The following EXOC6B variants were observed in gnomAD, a reference collection of about 807,000 sequenced individuals.
The protein encoded by EXOC6B is exocyst complex component 6B.
Under a neutral mutation model 113.5 loss-of-function variants are expected in EXOC6B, and 54 were observed. The ratio of observed to expected loss-of-function variants is 0.48; its 90% CI spans 0.38 to 0.60. The LOEUF (loss-of-function observed/expected upper bound fraction) is 0.60. EXOC6B is among the 20% of genes least tolerant of loss of function. The pLI is 0.00. For missense variants in EXOC6B, 797 were observed against 977.5 expected (o/e 0.82, Z 2.46); for synonymous variants, 357 against 339.0 (o/e 1.05, Z -0.58).
In EXOC6B at chr2:72,534,514, G is replaced by A. The variant is rs574763986; in HGVS notation, c.916-19388C>T. Among the ~76,000 whole-genome samples, 82 of 152,192 alleles carry A rather than the reference G, an allele frequency of 5.4e-4. 1 individual carries two copies. Among genetic ancestry groups the A allele is most frequent in the South Asian group, 1.5e-3 (7 of 4,822 alleles). The stretch of plus-strand genomic sequence containing the variant: ...CTTCATAAAAATAAATTTTACCTAA[G>A]AGGCTTGATTGAGGTAAGGGTTGGA... On this transcript the variant is annotated intron_variant, in intron 8 of 21. Coordinates refer to ENST00000272427, the MANE Select transcript of EXOC6B (RefSeq NM_015189.3).
At chr2:72,306,752 C>T (rs1241408063) in intron 20 of EXOC6B, among the ~76,000 whole-genome samples, 1 of 152,166 alleles carries the variant, frequency 6.6e-6, no homozygotes, top group East Asian at 1.9e-4. Flanking sequence ...ATATCTAAGT[C>T]TACACTTCCA....
intron 21 of EXOC6B, among the ~76,000 whole-genome samples, chr2:72,181,140 C>T (rs1678057481): frequency 6.9e-6 from 1 of 144,268 alleles, no homozygotes; most frequent in Non-Finnish European, 1.5e-5. Context: ...ACCCAGGAGG[C>T]GGAGCTTGCA....
intron 8 of EXOC6B, among the ~76,000 whole-genome samples, chr2:72,555,155 T>C (rs982831334): frequency 4.6e-5 from 7 of 152,206 alleles, no homozygotes; most frequent in Non-Finnish European, 7.3e-5. Flanking sequence ...CAGTCTATCA[T>C]TGATGGACAT....
intron 6 of EXOC6B, among the ~76,000 whole-genome samples, chr2:72,660,684 T>C (rs12995926): frequency 6.6e-6 from 1 of 152,222 alleles, no homozygotes; most frequent in Non-Finnish European, 1.5e-5. Context: ...ATATTGAAAC[T>C]TCTCTAAATA....
intron 19 of EXOC6B, among the ~76,000 whole-genome samples, chr2:72,357,442 A>C (rs935282267): frequency 6.6e-6 from 1 of 152,200 alleles, no homozygotes; most frequent in Non-Finnish European, 1.5e-5. Context: ...CTGTAATCCC[A>C]GAACTTTGAG....
At chr2:72,529,144 T>G (rs1164250693) in intron 8 of EXOC6B, among the ~76,000 whole-genome samples, 1 of 151,936 alleles carries the variant, frequency 6.6e-6, no homozygotes, top group Non-Finnish European at 1.5e-5. Context: ...GGGAAACCAT[T>G]TGGACTTTCA....
At chr2:72,482,480 G>T (rs542418544) in intron 16 of EXOC6B, among the ~76,000 whole-genome samples, 1 of 151,646 alleles carries the variant, frequency 6.6e-6, no homozygotes, top group South Asian at 2.1e-4. Flanking sequence ...TTGGTCTAGT[G>T]AGACAGTGAG....
chr2:72,534,607 A>T (rs976016026), intron 8 of EXOC6B, among the ~76,000 whole-genome samples: 5 of 152,178 alleles, frequency 3.3e-5, no homozygotes, highest in African/African-American at 4.8e-5. Flanking sequence ...ATTATAAAGA[A>T]TTAATATACA....
At chr2:72,232,737 A>G (rs771315631) in intron 20 of EXOC6B, among the ~76,000 whole-genome samples, 15 of 152,212 alleles carry the variant, frequency 9.9e-5, no homozygotes, top group Non-Finnish European at 1.8e-4. Flanking sequence ...GTAAGATACC[A>G]TATTTCAAAA....
At chr2:72,481,843 T>C (rs1280471174) in intron 16 of EXOC6B, among the ~76,000 whole-genome samples, 2 of 152,214 alleles carry the variant, frequency 1.3e-5, no homozygotes, top group Non-Finnish European at 2.9e-5. Flanking sequence ...AGTTGTCTTC[T>C]ATAAATTACT....
At chr2:72,671,815 GAA>G (rs1458742123) in intron 6 of EXOC6B, among the ~76,000 whole-genome samples, 4 of 124,310 alleles carry the variant, frequency 3.2e-5, no homozygotes, top group African/African-American at 1.1e-4. Flanking sequence ...AAGAAAGAAA[GAA>G]AGAAGAGAAA....
chr2:72,401,494 CATAT>C (rs1170388566), intron 18 of EXOC6B, among the ~76,000 whole-genome samples: 600 of 59,616 alleles, frequency 0.01, 104 homozygotes, highest in African/African-American at 0.051. Context: ...ATTTTATATA[CATAT>C]ATATATATAT....
intron 16 of EXOC6B, among the ~76,000 whole-genome samples, chr2:72,481,644 T>G (rs927223380): frequency 1.6e-4 from 24 of 152,240 alleles, no homozygotes; most frequent in African/African-American, 5.5e-4. Flanking sequence ...TGACTTACTT[T>G]ATTATTATTA....
chr2:72,318,181 T>A (rs1687638585), intron 20 of EXOC6B, among the ~76,000 whole-genome samples: 1 of 152,120 alleles, frequency 6.6e-6, no homozygotes, highest in African/African-American at 2.4e-5. Context: ...GATTATCGAA[T>A]GTCTTGGTCA....
chr2:72,457,490 A>C (rs1454553001), intron 18 of EXOC6B, among the ~76,000 whole-genome samples: 1 of 152,104 alleles, frequency 6.6e-6, no homozygotes, highest in African/African-American at 2.4e-5. Flanking sequence ...ATCTTGCCCT[A>C]TGTCATACAA....
intron 18 of EXOC6B, among the ~76,000 whole-genome samples, chr2:72,442,762 G>C (rs1297785018): frequency 6.6e-6 from 1 of 152,002 alleles, no homozygotes; most frequent in Non-Finnish European, 1.5e-5. Flanking sequence ...TTTTTAAAAA[G>C]TCCATGTTCA....
intron 20 of EXOC6B, among the ~76,000 whole-genome samples, chr2:72,303,930 G>A (rs983208029): frequency 6.6e-6 from 1 of 152,148 alleles, no homozygotes; most frequent in East Asian, 1.9e-4. Flanking sequence ...TGAGGACCAG[G>A]ACCTATGTGG....
At chr2:72,676,738 G>A (rs532877155) in intron 6 of EXOC6B, among the ~76,000 whole-genome samples, 184 of 152,160 alleles carry the variant, frequency 1.2e-3, no homozygotes, top group African/African-American at 1.4e-3. Flanking sequence ...GGGAACCACC[G>A]AACACCATTT....
intron 6 of EXOC6B, among the ~76,000 whole-genome samples, chr2:72,607,408 C>T (rs985557897): frequency 3.3e-5 from 5 of 152,128 alleles, no homozygotes; most frequent in African/African-American, 9.7e-5. Flanking sequence ...GCCAAATAAA[C>T]CTCTTTTCTT....
Sources: allele counts gnomAD v4.1 joint callset (sites outside exome capture counted in the v4.1 genomes callset), GRCh38; gene constraint gnomAD v4.1.1; transcripts MANE v1.5; gene names NCBI Gene and HGNC (gene_info 2026-07-23, HGNC 2026-07-21).